Variants in SNTG1 observed in about 807,000 individuals in gnomAD.
The protein encoded by SNTG1 is gamma-1-syntrophin.
Under a neutral mutation model 74.7 loss-of-function variants are expected in SNTG1, and 39 were observed. That is an observed-to-expected ratio of 0.52 (90% CI 0.40 to 0.68). The LOEUF (loss-of-function observed/expected upper bound fraction) is 0.68. SNTG1 is among the 30% of genes least tolerant of loss of function. The probability of loss-of-function intolerance (pLI) is 0.00; values close to 1 mark genes in which losing one functional copy is unlikely to be tolerated. For synonymous variants in SNTG1, 254 were observed against 217.1 expected, an observed-to-expected ratio of 1.17 and a Z score of -1.49; for missense variants, 685 against 609.5, an observed-to-expected ratio of 1.12 and a Z score of -1.30.
At chr8:50,148,725 T>G (rs919527918) in intron 1 of SNTG1, among the ~76,000 whole-genome samples, 3 of 152,220 alleles carry the variant, frequency 2.0e-5, no homozygotes, top group African/African-American at 7.2e-5. Context: ...ACAAAGGACA[T>G]GAACTCATCA....
At chr8:50,409,745 C>G (rs1394070198) in intron 4 of SNTG1, among the ~76,000 whole-genome samples, 1 of 152,124 alleles carries the variant, frequency 6.6e-6, no homozygotes, top group Admixed American at 6.6e-5. Flanking sequence ...TTAAATTTAG[C>G]CTGTGCTAGT....
intron 9 of SNTG1, among the ~76,000 whole-genome samples, chr8:50,524,743 T>C (rs1314454387): frequency 6.6e-6 from 1 of 152,180 alleles, no homozygotes; most frequent in Admixed American, 6.5e-5. Context: ...TAAAATATAC[T>C]GAAGGATGTG....
intron 18 of SNTG1, among the ~76,000 whole-genome samples, chr8:50,782,616 T>A (rs1236760945): frequency 5.9e-5 from 9 of 152,200 alleles, no homozygotes; most frequent in Non-Finnish European, 1.5e-5. Context: ...CTAAATTTTT[T>A]TCAAAGGTTT....
Position 49,953,885 on chromosome 8 carries a change from A to T in SNTG1, c.-103+41654A>T, listed in dbSNP as rs114002142. On this transcript the variant is annotated intron_variant, in intron 1 of 18. Coordinates refer to ENST00000642720, the MANE Select transcript of SNTG1 (RefSeq NM_018967.5). ...AGCTCTGCAGAGGCAACTTGAAATT[A>T]TTTTATGTAGTAATTGCATAACTAC... is the stretch of plus-strand genomic sequence containing the variant. Among the ~76,000 whole-genome samples, 819 of 152,312 alleles carry T rather than the reference A, an allele frequency of 5.4e-3. 11 individuals are homozygous for T. Among genetic ancestry groups the T allele is most frequent in the African/African-American group, 0.019 (777 of 41,574 alleles).
chr8:50,040,039 A>G (rs1818503233), intron 1 of SNTG1, among the ~76,000 whole-genome samples: 1 of 152,120 alleles, frequency 6.6e-6, no homozygotes, highest in Non-Finnish European at 1.5e-5. Context: ...TGAAATGAGA[A>G]CTAAGATGAG....
chr8:50,262,271 T>G (rs550983456), intron 2 of SNTG1, among the ~76,000 whole-genome samples: 1 of 152,318 alleles, frequency 6.6e-6, no homozygotes, highest in African/African-American at 2.4e-5. Context: ...ATCAATAATC[T>G]AAGTTTCCAG....
rs370841178 is a variant in SNTG1, at chr8:50,421,164, A to G, written c.163-17379A>G. Among the ~76,000 whole-genome samples, 170 of 151,822 alleles carry G rather than the reference A, an allele frequency of 1.1e-3. 1 individual carries two copies. The highest frequency in any genetic ancestry group is 3.3e-3 in the African/African-American group (138 of 41,378). The stretch of plus-strand genomic sequence containing the variant: ...AGAAAAGGGTACCAATCCATACCCC[A>G]AGAGAGGGCTCTTAGATCTCCACAA... On this transcript the variant is annotated intron_variant, in intron 4 of 18. Coordinates refer to ENST00000642720, the MANE Select transcript of SNTG1 (RefSeq NM_018967.5).
intron 4 of SNTG1, among the ~76,000 whole-genome samples, chr8:50,437,815 T>C (rs2093319847): frequency 6.6e-6 from 1 of 152,190 alleles, no homozygotes; most frequent in Admixed American, 6.5e-5. Context: ...GCAGTATCGA[T>C]TTTTCAAATT....
rs975548038 is a variant in SNTG1 at position 50,164,573 on chromosome 8, C to T, written c.-102-7988C>T. Among the ~76,000 whole-genome samples, 10 of 152,240 alleles carry T rather than the reference C, an allele frequency of 6.6e-5. 1 individual carries two copies. In the East Asian group the frequency reaches 1.9e-3, roughly 29 times the overall value. On this transcript the variant is annotated intron_variant, in intron 1 of 18. Coordinates refer to ENST00000642720, the MANE Select transcript of SNTG1 (RefSeq NM_018967.5). ...TACTAGGGGATATTTGGTTGCAACT[C>T]TTTTTGTGCATACAACATATTACAT...
chr8:50,376,840 C>T (rs2092397470), intron 2 of SNTG1, among the ~76,000 whole-genome samples: 2 of 150,652 alleles, frequency 1.3e-5, no homozygotes, highest in Admixed American at 6.6e-5. Flanking sequence ...AAGCTCTCCT[C>T]ATCTTCACCT....
chr8:50,153,254 A>G (rs972651412), intron 1 of SNTG1, among the ~76,000 whole-genome samples: 1 of 152,180 alleles, frequency 6.6e-6, no homozygotes, highest in Non-Finnish European at 1.5e-5. Context: ...TTTCAGCTCC[A>G]TCAGGTCATT....
chr8:50,485,578 T>C (rs1303030743), intron 8 of SNTG1, among the ~76,000 whole-genome samples: 6 of 150,442 alleles, frequency 4.0e-5, no homozygotes, highest in South Asian at 4.2e-4. Flanking sequence ...TAGCCCTTTG[T>C]CAGATGAGTA....
intron 1 of SNTG1, among the ~76,000 whole-genome samples, chr8:50,061,732 C>T (rs1820490302): frequency 6.6e-6 from 1 of 152,064 alleles, no homozygotes; most frequent in African/African-American, 2.4e-5. Flanking sequence ...CCTTTATCAT[C>T]TTGCATTATT....
chr8:50,305,846 A>T (rs1260796991), intron 2 of SNTG1, among the ~76,000 whole-genome samples: 3 of 151,552 alleles, frequency 2.0e-5, no homozygotes, highest in Non-Finnish European at 4.4e-5. Context: ...TCCAATTTAC[A>T]TTTATCCAAT....
At chr8:50,632,852 C>T (rs2095011578) in intron 13 of SNTG1, among the ~76,000 whole-genome samples, 1 of 152,148 alleles carries the variant, frequency 6.6e-6, no homozygotes, top group Non-Finnish European at 1.5e-5. Context: ...CCCAAGATGT[C>T]AGCTGTGCCA....
At chr8:50,285,790 T>A (rs1373183508) in intron 2 of SNTG1, among the ~76,000 whole-genome samples, 1 of 140,578 alleles carries the variant, frequency 7.1e-6, no homozygotes, top group Non-Finnish European at 1.5e-5. Context: ...ATGTATTATA[T>A]CCAACAATAA....
At chr8:50,778,828 T>C (rs551469102) in intron 18 of SNTG1, among the ~76,000 whole-genome samples, 6 of 151,888 alleles carry the variant, frequency 4.0e-5, no homozygotes, top group South Asian at 2.1e-4. Context: ...AGGGTTTTTA[T>C]GGTTTCAGGT....
chr8:50,582,249 C>T (rs2094614835), intron 12 of SNTG1, among the ~76,000 whole-genome samples: 1 of 152,128 alleles, frequency 6.6e-6, no homozygotes, highest in African/African-American at 2.4e-5. Context: ...TGTAACTGAG[C>T]TATTCTCTGT....
intron 3 of SNTG1, 68 bp from the exon 4 acceptor site, chr8:50,402,142 G>A: frequency 6.7e-7 from 1 of 1,501,956 alleles, no homozygotes; most frequent in African/African-American, 1.4e-5. Flanking sequence ...CTGTAAACTG[G>A]CCACAAAATT....
Sources: gnomAD v4.1 joint callset for allele counts (sites outside exome capture counted in the v4.1 genomes callset) on GRCh38, gnomAD v4.1.1 for gene constraint, MANE v1.5 for transcripts, NCBI Gene and HGNC (gene_info 2026-07-23, HGNC 2026-07-21) for gene names.